The following CYP3A4 variants were observed in gnomAD, a reference collection of about 807,000 sequenced individuals.
CYP3A4 encodes cytochrome P450 3A4.
Under a neutral mutation model 54.9 loss-of-function variants are expected in CYP3A4, and 41 were observed. The observed-to-expected ratio is 0.75, with a 90% confidence interval of 0.58 to 0.97. The LOEUF (loss-of-function observed/expected upper bound fraction) is 0.97, where lower values mean the gene tolerates loss of function less well. CYP3A4 is among the 50% of genes least tolerant of loss of function. CYP3A4 has a pLI of 0.00. For synonymous variants in CYP3A4, 179 were observed against 205.2 expected (o/e 0.87, Z 1.09); for missense variants, 510 against 597.3 (o/e 0.85, Z 1.52).
chr7:99,757,121 A>G lies in CYP3A4; in HGVS notation c.*1012T>C, dbSNP rs1413313880. 2.6e-5 allele frequency: 4 copies of G among 152,142 alleles called. No individual in the cohort carries two copies. The highest frequency in any genetic ancestry group is 5.9e-5 in the Non-Finnish European group (4 of 68,028). The allele number at this position is 152,142 out of a possible 1,614,324, so 9.4% of individuals were successfully genotyped here. A position where few individuals can be genotyped will look rare whatever the true frequency, so the allele number is the denominator to read the frequency against. ...GATGGGCTGAAAACATTAAATCAAA[A>G]CTAATAATATAATAAGAGCTTCAGT... is the stretch of plus-strand genomic sequence containing the variant. On this transcript the variant is annotated 3_prime_UTR_variant, in exon 13 of 13. Transcript: ENST00000651514.
intron 11 of CYP3A4, among the ~76,000 whole-genome samples, chr7:99,761,636 T>C (rs933224752): frequency 2.0e-5 from 3 of 152,218 alleles, no homozygotes; most frequent in African/African-American, 7.2e-5. Flanking sequence ...TCCAGTAAGC[T>C]ATAAAATTCT....
chr7:99,780,339 A>C (rs1815888137), intron 1 of CYP3A4, among the ~76,000 whole-genome samples: 1 of 152,218 alleles, frequency 6.6e-6, no homozygotes, highest in Non-Finnish European at 1.5e-5. Flanking sequence ...TCCTGGAATG[A>C]ATATTTGATA....
intron 6 of CYP3A4, among the ~76,000 whole-genome samples, 194 bp from the exon 7 acceptor site, chr7:99,768,696 G>A (rs1815546605): frequency 2.0e-5 from 3 of 152,124 alleles, no homozygotes. Flanking sequence ...GCCCTACGCT[G>A]GGTGTGATGG....
chr7:99,772,307 T>C (rs1250262501), intron 4 of CYP3A4, among the ~76,000 whole-genome samples: 2 of 152,184 alleles, frequency 1.3e-5, no homozygotes, highest in Non-Finnish European at 2.9e-5. Context: ...TCTATGATTG[T>C]GATAAATTTG....
intron 6 of CYP3A4, 186 bp downstream of exon 6, chr7:99,769,582 T>C: frequency 3.2e-6 from 2 of 617,156 alleles, no homozygotes; most frequent in Non-Finnish European, 5.8e-6. Flanking sequence ...GAAGATCCTT[T>C]TCCTCCAGCT....
In CYP3A4 at chr7:99,779,986, A is replaced by G; in HGVS notation, c.165+6T>C. On this transcript the variant is annotated splice_donor_region_variant and intron_variant, in intron 2 of 12. Transcript: ENST00000651514. ...GAAGCAAAAGAGTGAGCTCAAAAAC[A>G]CTCACCTTATGGTAGGACAAAATAT... The G allele has an allele frequency of 6.2e-7, 1 of 1,610,052 alleles. No homozygotes were observed.
rs775833385 is a variant in CYP3A4 at position 99,758,235 on chromosome 7, C to T, written c.1417-7G>A. Reference sequence around the variant, plus strand: ...AGCTTAATTTCAGGGGGATCTGCAACAGTTAAACAAGCATATTGAGAAGCA... The same window carrying T: ...AGCTTAATTTCAGGGGGATCTGCAATAGTTAAACAAGCATATTGAGAAGCA... On this transcript the variant is annotated splice_region_variant and splice_polypyrimidine_tract_variant and intron_variant, in intron 12 of 12. Transcript: ENST00000651514. 5 of 1,612,678 alleles carry T rather than the reference C, an allele frequency of 3.1e-6. No individual in the cohort carries two copies. In the South Asian group the frequency reaches 5.5e-5, roughly 18 times the overall value.
chr7:99,781,503 G>A (rs1263913442), intron 1 of CYP3A4, among the ~76,000 whole-genome samples: 2 of 152,102 alleles, frequency 1.3e-5, no homozygotes, highest in Admixed American at 6.5e-5. Flanking sequence ...CATCTTTGAT[G>A]GGTCATGTAT....
At chr7:99,765,128 G>A (rs1344303246) in intron 9 of CYP3A4, among the ~76,000 whole-genome samples, 2 of 152,182 alleles carry the variant, frequency 1.3e-5, no homozygotes, top group East Asian at 3.8e-4. Flanking sequence ...CAGTTATCAT[G>A]AACCTGATGA....
At chr7:99,776,331 A>C (rs542840575) in intron 3 of CYP3A4, among the ~76,000 whole-genome samples, 25 of 152,338 alleles carry the variant, frequency 1.6e-4, no homozygotes, top group Non-Finnish European at 3.2e-4. Flanking sequence ...TGACCCAGCA[A>C]TCCCATTACT....
intron 6 of CYP3A4, among the ~76,000 whole-genome samples, chr7:99,768,979 A>C: frequency 6.6e-6 from 1 of 152,178 alleles, no homozygotes; most frequent in East Asian, 1.9e-4. Flanking sequence ...GCTCCTAGAA[A>C]TATCATCCTT....
At chr7:99,771,651 A>C (rs1815636579) in intron 4 of CYP3A4, among the ~76,000 whole-genome samples, 1 of 152,220 alleles carries the variant, frequency 6.6e-6, no homozygotes, top group Non-Finnish European at 1.5e-5. Flanking sequence ...AGGAAGAGTT[A>C]AAACAAATCT....
intron 10 of CYP3A4, 114 bp downstream of exon 10, chr7:99,763,741 C>G (rs751411496): frequency 2.2e-6 from 3 of 1,350,704 alleles, no homozygotes; most frequent in Non-Finnish European, 3.0e-6. Context: ...TACATAGAGT[C>G]AGTGAAAGAA....
chr7:99,772,745 G>A, intron 3 of CYP3A4, 56 bp from the exon 4 acceptor site: 1 of 1,582,530 alleles, frequency 6.3e-7, no homozygotes, highest in South Asian at 1.1e-5. Flanking sequence ...TACAGCTGGA[G>A]CCCAACCCAG....
chr7:99,767,354 A>G, intron 7 of CYP3A4, 96 bp from the exon 8 acceptor site: 1 of 1,100,756 alleles, frequency 9.1e-7, no homozygotes, highest in Non-Finnish European at 1.3e-6. Context: ...CAACCAGAAG[A>G]GTAAAAGACA....
Position 99,761,091 on chromosome 7 carries a change from T to C in CYP3A4, c.1254-110A>G. ...ACCCCTCAACTAGTAGTACACAGGA[T>C]ACTTTTGTGGGCTGGTCATTGAAAT... On this transcript the variant is annotated intron_variant, in intron 11 of 12. Coordinates refer to ENST00000651514, the MANE Select transcript of CYP3A4 (RefSeq NM_017460.6). The C allele has an allele frequency of 3.2e-6, 4 of 1,251,112 alleles. No individual in the cohort carries two copies. In the South Asian group the frequency reaches 6.2e-5, roughly 20 times the overall value. 77.5% of individuals were successfully genotyped at this position (1,251,112 alleles called of 1,614,324 possible).
intron 10 of CYP3A4, among the ~76,000 whole-genome samples, chr7:99,763,331 A>G (rs573413334): frequency 6.6e-6 from 1 of 152,338 alleles, no homozygotes; most frequent in South Asian, 2.1e-4. Flanking sequence ...CATTGAAACA[A>G]ATGTGACTAA....
At chr7:99,766,305 TC>T in intron 9 of CYP3A4, 71 bp downstream of exon 9, 1 of 1,546,346 alleles carries the variant, frequency 6.5e-7, no homozygotes, top group Non-Finnish European at 8.9e-7. Flanking sequence ...CTGGAATACT[TC>T]CTGCACATTT....
intron 10 of CYP3A4, 22 bp from the exon 11 acceptor site, chr7:99,762,289 T>C (rs1418472804): frequency 6.2e-7 from 1 of 1,612,312 alleles, no homozygotes; most frequent in East Asian, 2.2e-5. Flanking sequence ...GAAACAGATT[T>C]GGATAAATTG....
Sources: allele counts gnomAD v4.1 joint callset (sites outside exome capture counted in the v4.1 genomes callset), GRCh38; gene constraint gnomAD v4.1.1; transcripts MANE v1.5; gene names NCBI Gene and HGNC (gene_info 2026-07-23, HGNC 2026-07-21).